PLCG2: variants seen among roughly 807,000 people sequenced by gnomAD.
PLCG2 encodes phospholipase C gamma 2, also known as 1-phosphatidylinositol 4,5-bisphosphate phosphodiesterase gamma-2.
PLCG2 carries 69 observed loss-of-function variants against 175.6 expected under a neutral mutation model. The ratio of observed to expected loss-of-function variants is 0.39; its 90% CI spans 0.32 to 0.48. The LOEUF is 0.48. Among genes scored for constraint, PLCG2 ranks in the 20% least tolerant of loss-of-function variants. The probability of loss-of-function intolerance (pLI) is 0.91; values close to 1 mark genes in which losing one functional copy is unlikely to be tolerated. For missense variants in PLCG2, 1,798 were observed against 1,650.9 expected, an observed-to-expected ratio of 1.09 and a Z score of -1.54; for synonymous variants, 827 against 624.0, an observed-to-expected ratio of 1.33 and a Z score of -4.85.
chr16:81,764,902 CA>C (rs1386996862), intron 2 of PLCG2, among the ~76,000 whole-genome samples: 5 of 151,874 alleles, frequency 3.3e-5, no homozygotes, highest in African/African-American at 4.8e-5. Context: ...CCAGCCTGGA[CA>C]AAACTGAGAC....
chr16:81,858,431 C>T (rs971278670), intron 4 of PLCG2, 75 bp downstream of exon 4: 149 of 987,748 alleles, frequency 1.5e-4, no homozygotes, highest in Non-Finnish European at 2.1e-4. Flanking sequence ...ACATGGGCTA[C>T]AGGGGGGAAA....
At chr16:81,866,239 G>T (rs35985234) in intron 5 of PLCG2, among the ~76,000 whole-genome samples, 8 of 101,880 alleles carry the variant, frequency 7.9e-5, no homozygotes, top group African/African-American at 1.3e-4. Flanking sequence ...CCTCTCCCTT[G>T]CTCCCAGGAT....
chr16:81,861,550 C>A (rs148393412), intron 5 of PLCG2, among the ~76,000 whole-genome samples: 213 of 152,348 alleles, frequency 1.4e-3, no homozygotes, highest in Non-Finnish European at 2.5e-3. Context: ...TCCAAAATGC[C>A]CTGCCTGCTC....
intron 2 of PLCG2, among the ~76,000 whole-genome samples, chr16:81,803,267 C>A (rs533876743): frequency 6.6e-6 from 1 of 151,918 alleles, no homozygotes; most frequent in South Asian, 2.1e-4. Flanking sequence ...TACAGGTGCC[C>A]ACCACCACGC....
intron 8 of PLCG2, among the ~76,000 whole-genome samples, chr16:81,881,843 G>T (rs1908096792): frequency 6.6e-6 from 1 of 151,792 alleles, no homozygotes; most frequent in Non-Finnish European, 1.5e-5. Flanking sequence ...GTAGAGATGG[G>T]GTTTCACCAT....
chr16:81,796,972 C>G (rs1464825819), intron 2 of PLCG2, among the ~76,000 whole-genome samples: 1 of 152,214 alleles, frequency 6.6e-6, no homozygotes, highest in East Asian at 1.9e-4. Flanking sequence ...TTGACCTACC[C>G]ATTCAGCCAC....
intron 3 of PLCG2, among the ~76,000 whole-genome samples, chr16:81,855,111 G>GA (rs1396600452): frequency 6.6e-6 from 1 of 150,672 alleles, no homozygotes; most frequent in Non-Finnish European, 1.5e-5. Context: ...TTGAAAGGCT[G>GA]AGGCACAAGA....
intron 5 of PLCG2, among the ~76,000 whole-genome samples, chr16:81,866,442 A>G (rs1597362665): frequency 1.4e-5 from 1 of 71,756 alleles, no homozygotes; most frequent in Admixed American, 1.5e-4. Context: ...GGGCACCAGC[A>G]TGAGAGGACG....
rs368738612 is a variant in PLCG2, at chr16:81,870,881, C to G, written c.594C>G (p.Ser198Arg). The stretch of plus-strand genomic sequence containing the variant: ...TAGGAGCACACAAAGATGAGCTCAG[C>G]TTTGAACAGTTCCATCTCTTCTATA... ...VEIGAHKDELSFEQFHLFYKK... is the reference protein window; with the variant it reads ...VEIGAHKDELRFEQFHLFYKK... Residue 198 changes from serine (S) to arginine (R), a missense_variant, in exon 7 of 33, where the codon AGC becomes AGG. Transcript: ENST00000564138. 4.4e-5 allele frequency: 71 copies of G among 1,603,750 alleles called. No individual in the cohort carries two copies. The highest frequency in any genetic ancestry group is 5.8e-5 in the Non-Finnish European group (68 of 1,175,004).
At chr16:81,934,146 G>C (rs1284228771) in intron 25 of PLCG2, among the ~76,000 whole-genome samples, 3 of 152,210 alleles carry the variant, frequency 2.0e-5, no homozygotes, top group Non-Finnish European at 4.4e-5. Flanking sequence ...GGTGGTGACA[G>C]AGAAGAGCCC....
rs1480706110 is a variant in PLCG2, at chr16:81,779,348, G to A, written c.-124G>A. ...AGCGGCGCTGAGTGACCCGAGTCGG[G>A]ACGCGGGCTGCGCGCGCGGGACCCC... On this transcript the variant is annotated 5_prime_UTR_variant, in exon 1 of 33. Transcript: ENST00000564138. 1 of 150,808 alleles carries A rather than the reference G, an allele frequency of 6.6e-6. No homozygotes were observed. Among genetic ancestry groups the A allele is most frequent in the Non-Finnish European group, 1.5e-5 (1 of 67,574 alleles). The allele number at this position is 150,808 out of a possible 1,614,324, so 9.3% of individuals were successfully genotyped here.
At chr16:81,912,112 T>C (rs1181557024) in intron 18 of PLCG2, among the ~76,000 whole-genome samples, 1 of 151,926 alleles carries the variant, frequency 6.6e-6, no homozygotes, top group East Asian at 1.9e-4. Context: ...TTTGTATTTT[T>C]AGTAGAGACA....
At chr16:81,923,074 G>C (rs144670927) in intron 21 of PLCG2, among the ~76,000 whole-genome samples, 250 of 152,206 alleles carry the variant, frequency 1.6e-3, no homozygotes, top group Non-Finnish European at 1.7e-3. Context: ...GCTGAGCACC[G>C]GCACTGTGAT....
chr16:81,776,320 A>C (rs547647921), upstream of PLCG2, among the ~76,000 whole-genome samples: 9 of 151,822 alleles, frequency 5.9e-5, no homozygotes, highest in African/African-American at 1.9e-4. Context: ...CATGTTAAGC[A>C]GGATGGTCTT....
At chr16:81,788,710 A>G (rs1911094117) in intron 2 of PLCG2, among the ~76,000 whole-genome samples, 1 of 152,146 alleles carries the variant, frequency 6.6e-6, no homozygotes, top group South Asian at 2.1e-4. Context: ...GTGTGATCAA[A>G]CTGCTTTCTG....
chr16:81,763,593 C>T (rs1597306287), intron 2 of PLCG2, among the ~76,000 whole-genome samples: 1 of 152,206 alleles, frequency 6.6e-6, no homozygotes, highest in Non-Finnish European at 1.5e-5. Context: ...TCTTGGGGCT[C>T]CTAAGTTGTG....
chr16:81,778,631 G>A (rs4273032), upstream of PLCG2, among the ~76,000 whole-genome samples: 40,151 of 151,982 alleles, frequency 0.26, 6,034 homozygotes, highest in East Asian at 0.49. Context: ...TCCCTTTGGG[G>A]CTGGCACTAT....
chr16:81,884,086 C>T (rs183869763), intron 9 of PLCG2, among the ~76,000 whole-genome samples: 117 of 152,352 alleles, frequency 7.7e-4, no homozygotes, highest in African/African-American at 2.6e-3. Context: ...TAGGGTGGCT[C>T]ACGCCTATAA....
intron 10 of PLCG2, among the ~76,000 whole-genome samples, chr16:81,890,537 T>C (rs1908581888): frequency 6.6e-6 from 1 of 152,218 alleles, no homozygotes; most frequent in Non-Finnish European, 1.5e-5. Flanking sequence ...TTATTGATTT[T>C]GCCACTAGAG....
Sources: gnomAD v4.1 joint callset for allele counts (sites outside exome capture counted in the v4.1 genomes callset) on GRCh38, gnomAD v4.1.1 for gene constraint, MANE v1.5 for transcripts, NCBI Gene and HGNC (gene_info 2026-07-23, HGNC 2026-07-21) for gene names.